Variants in BARD1 observed in about 807,000 individuals in gnomAD.
BARD1 encodes the protein BRCA1 associated RING domain 1.
In BARD1, 73 loss-of-function variants were observed where a neutral mutation model predicts 77.0. That is an observed-to-expected ratio of 0.95 (90% CI 0.79 to 1.15). BARD1 has a LOEUF of 1.15. BARD1 is among the 50% of genes most tolerant of loss of function. BARD1 has a pLI of 0.00. For missense variants in BARD1, 993 were observed against 938.8 expected (o/e 1.06, Z -0.75); for synonymous variants, 384 against 338.0 (o/e 1.14, Z -1.49).
chr2:214,761,961 G>A (rs1269914739), intron 6 of BARD1, among the ~76,000 whole-genome samples: 4 of 152,090 alleles, frequency 2.6e-5, no homozygotes, highest in African/African-American at 9.7e-5. Flanking sequence ...GGATAGAAAC[G>A]TACTAAATCA....
chr2:214,787,386 T>C (rs1432241535), intron 3 of BARD1, among the ~76,000 whole-genome samples: 1 of 151,946 alleles, frequency 6.6e-6, no homozygotes, highest in Non-Finnish European at 1.5e-5. Flanking sequence ...ATTTTAATTA[T>C]GTATCTTGCA....
chr2:214,751,099 GTGTGTGTGTGTGTGTGTGTATATATATA>G (rs1559392600), intron 7 of BARD1, among the ~76,000 whole-genome samples: 7 of 7,954 alleles, frequency 8.8e-4, no homozygotes, highest in South Asian at 3.6e-3. Context: ...GTGTGTGTGT[GTGTGTGTGTGTGTGTGTGTATATATATA>G]TATATATATA....
At chr2:214,772,538 G>A (rs968931254) in intron 4 of BARD1, among the ~76,000 whole-genome samples, 2 of 152,036 alleles carry the variant, frequency 1.3e-5, no homozygotes, top group African/African-American at 4.8e-5. Flanking sequence ...AACAGAAACG[G>A]AGTGACAATT....
chr2:214,808,053 A>G (rs1409859749), intron 1 of BARD1, among the ~76,000 whole-genome samples: 2 of 152,246 alleles, frequency 1.3e-5, no homozygotes, highest in Admixed American at 1.3e-4. Flanking sequence ...CACAGATATT[A>G]AAAGTTTTCG....
At chr2:214,803,137 A>C (rs983035961) in intron 1 of BARD1, among the ~76,000 whole-genome samples, 1 of 151,972 alleles carries the variant, frequency 6.6e-6, no homozygotes, top group Non-Finnish European at 1.5e-5. Context: ...TTGCTCCTTA[A>C]GAGTCATCAC....
intron 1 of BARD1, among the ~76,000 whole-genome samples, chr2:214,808,460 G>A (rs1388487246): frequency 6.7e-6 from 1 of 149,980 alleles, no homozygotes. Context: ...ATGCAACTAG[G>A]TAACTTAAGT....
At position 214,740,657 on chromosome 2, in the gene BARD1, G is replaced by A. The variant is rs570428117; in HGVS notation, c.1903+4410C>T. On this transcript the variant is annotated intron_variant, in intron 9 of 10. Coordinates refer to ENST00000260947, the MANE Select transcript of BARD1 (RefSeq NM_000465.4). ...ATATTAAAAATATGCATTTTTTCCA[G>A]AGAGTATCTTCAGGCATTTCAGAAT... 1.1e-4 allele frequency among the ~76,000 whole-genome samples: 16 copies of A among 151,952 alleles called. No individual in the cohort carries two copies. In the East Asian group the frequency reaches 2.7e-3, roughly 26 times the overall value.
intron 6 of BARD1, among the ~76,000 whole-genome samples, chr2:214,757,883 G>A (rs1296148623): frequency 1.3e-5 from 2 of 152,070 alleles, no homozygotes; most frequent in African/African-American, 4.8e-5. Context: ...AGACAGAAAA[G>A]TGTGTGAAGG....
At chr2:214,774,672 C>G (rs1247519461) in intron 4 of BARD1, among the ~76,000 whole-genome samples, 1 of 152,172 alleles carries the variant, frequency 6.6e-6, no homozygotes, top group African/African-American at 2.4e-5. Context: ...AACAAGAAAG[C>G]CTGTCCTTTG....
chr2:214,801,574 T>C (rs16852768), intron 1 of BARD1, among the ~76,000 whole-genome samples: 9,352 of 152,248 alleles, frequency 0.061, 297 homozygotes, highest in Admixed American at 0.094. Context: ...AACTCTGCTG[T>C]GGTCAGGCCA....
chr2:214,770,172 C>A (rs1694413370), intron 4 of BARD1, among the ~76,000 whole-genome samples: 1 of 152,162 alleles, frequency 6.6e-6, no homozygotes, highest in African/African-American at 2.4e-5. Flanking sequence ...GAGATCAGTA[C>A]AAACCTATTC....
In BARD1 at chr2:214,726,398, T is replaced by C. The variant is rs908862155; in HGVS notation, c.*2278A>G. The C allele has an allele frequency of 1.4e-5, 3 of 208,038 alleles. No homozygotes were observed. The highest frequency in any genetic ancestry group is 2.3e-5 in the African/African-American group (1 of 44,068). 12.9% of individuals were successfully genotyped at this position (208,038 alleles called of 1,614,324 possible). A position where few individuals can be genotyped will look rare whatever the true frequency, so the allele number is the denominator to read the frequency against. ...ACTTTTAGAGACACAAAGCAATCAG[T>C]GTGTAATTGTTTCTTAATGACTATT... On this transcript the variant is annotated 3_prime_UTR_variant, in exon 11 of 11. Transcript: ENST00000260947.
intron 2 of BARD1, among the ~76,000 whole-genome samples, chr2:214,793,310 T>C (rs1695615590): frequency 6.6e-6 from 1 of 152,196 alleles, no homozygotes; most frequent in Non-Finnish European, 1.5e-5. Flanking sequence ...CCTTGGCTTC[T>C]AGCATGATTT....
intron 5 of BARD1, among the ~76,000 whole-genome samples, chr2:214,768,977 T>C (rs1407085863): frequency 6.6e-6 from 1 of 152,212 alleles, no homozygotes; most frequent in Non-Finnish European, 1.5e-5. Flanking sequence ...CTCTAGACAT[T>C]AGCTAAATTC....
In BARD1 at chr2:214,745,054, A is replaced by T; in HGVS notation, c.1903+13T>A. On this transcript the variant is annotated intron_variant, in intron 9 of 10. Transcript: ENST00000260947. ...CTAATTCATTTCTTAATTCTCTCAA[A>T]TCCAACACTTACATTCAAATTTTAG... is the stretch of plus-strand genomic sequence containing the variant. 1 of 1,607,856 alleles carries T rather than the reference A, an allele frequency of 6.2e-7. No individual in the cohort carries two copies. The highest frequency in any genetic ancestry group is 1.1e-5 in the South Asian group (1 of 90,880).
chr2:214,746,718 C>A (rs1390489895), intron 7 of BARD1, among the ~76,000 whole-genome samples: 1 of 152,072 alleles, frequency 6.6e-6, no homozygotes, highest in Non-Finnish European at 1.5e-5. Context: ...ACGCTATAAA[C>A]CCTCCTCACA....
chr2:214,773,075 C>G (rs940956903), intron 4 of BARD1, among the ~76,000 whole-genome samples: 5 of 152,178 alleles, frequency 3.3e-5, no homozygotes, highest in Non-Finnish European at 7.4e-5. Flanking sequence ...GTGTGTCCCA[C>G]TGAATCTTTT....
chr2:214,779,981 G>A (rs1157156608), intron 4 of BARD1, among the ~76,000 whole-genome samples: 1 of 152,122 alleles, frequency 6.6e-6, no homozygotes, highest in African/African-American at 2.4e-5. Context: ...CACATCTCAG[G>A]TGTTGAGGCA....
At chr2:214,731,095 C>T in intron 9 of BARD1, 1 of 263,814 alleles carries the variant, frequency 3.8e-6, no homozygotes. Flanking sequence ...AGGTACACAA[C>T]TGAGGTTGCT....
Sources: gnomAD v4.1 joint callset for allele counts (sites outside exome capture counted in the v4.1 genomes callset) on GRCh38, gnomAD v4.1.1 for gene constraint, MANE v1.5 for transcripts, NCBI Gene and HGNC (gene_info 2026-07-23, HGNC 2026-07-21) for gene names.